Variants in CHRNA7 observed in about 807,000 individuals in gnomAD.
The protein encoded by CHRNA7 is neuronal acetylcholine receptor subunit alpha-7.
CHRNA7 carries 17 observed loss-of-function variants against 48.0 expected under a neutral mutation model. That is an observed-to-expected ratio of 0.35 (90% CI 0.24 to 0.53). The LOEUF (loss-of-function observed/expected upper bound fraction) is 0.53, where lower values mean the gene tolerates loss of function less well. CHRNA7 is among the 20% of genes least tolerant of loss of function. The pLI is 0.92. For missense variants in CHRNA7, 155 were observed against 577.7 expected (o/e 0.27, Z 7.50); for synonymous variants, 75 against 242.3 (o/e 0.31, Z 6.41).
chr15:32,063,481 T>G (rs1351493189), intron 2 of CHRNA7, among the ~76,000 whole-genome samples: 1 of 152,226 alleles, frequency 6.6e-6, no homozygotes, highest in Non-Finnish European at 1.5e-5. Flanking sequence ...CAGGGTCTTC[T>G]GTCTCTGTGG....
intron 4 of CHRNA7, among the ~76,000 whole-genome samples, chr15:32,114,036 A>ATGTGTG (rs1566848746): frequency 1.2e-5 from 1 of 80,270 alleles, no homozygotes; most frequent in Non-Finnish European, 2.3e-5. Context: ...ATATATATAT[A>ATGTGTG]TATATATGTA....
At chr15:32,092,176 G>C (rs2050394964) in intron 2 of CHRNA7, among the ~76,000 whole-genome samples, 2 of 152,134 alleles carry the variant, frequency 1.3e-5, no homozygotes, top group Admixed American at 6.5e-5. Flanking sequence ...CTTCATGCCA[G>C]TAACTTAATT....
chr15:32,048,527 A>AT (rs1367788475), intron 2 of CHRNA7, among the ~76,000 whole-genome samples: 3 of 152,020 alleles, frequency 2.0e-5, no homozygotes, highest in Non-Finnish European at 2.9e-5. Context: ...CCCCTTTATC[A>AT]TTTTTTATTG....
intron 3 of CHRNA7, among the ~76,000 whole-genome samples, chr15:32,108,017 T>C (rs10438339): frequency 0.41 from 61,897 of 151,974 alleles, 12,833 homozygotes; most frequent in South Asian, 0.5. Context: ...TTTCTTATTA[T>C]ACCATAATGT....
chr15:32,072,531 G>A lies in CHRNA7; in HGVS notation c.196-28772G>A, dbSNP rs554868511. Among the ~76,000 whole-genome samples the A allele has an allele frequency of 3.3e-5, 5 of 152,342 alleles. No homozygotes were observed. In the East Asian group the frequency reaches 9.6e-4, roughly 29 times the overall value. On this transcript the variant is annotated intron_variant, in intron 2 of 9. Transcript: ENST00000306901. Reference sequence around the variant, plus strand: ...ACTAAAAGGGAGGCAAGCACTAATAGCCAAGACAATGGGGAAAAGGCCTTG... The same window carrying A: ...ACTAAAAGGGAGGCAAGCACTAATAACCAAGACAATGGGGAAAAGGCCTTG...
chr15:32,152,897 G>C (rs1164492797), intron 4 of CHRNA7, among the ~76,000 whole-genome samples: 2 of 150,682 alleles, frequency 1.3e-5, no homozygotes, highest in Admixed American at 1.3e-4. Flanking sequence ...TGTAATTGCT[G>C]TTGGGGCTGT....
chr15:32,072,651 GCTGCC>G (rs2050076293), intron 2 of CHRNA7, among the ~76,000 whole-genome samples: 1 of 152,206 alleles, frequency 6.6e-6, no homozygotes, highest in African/African-American at 2.4e-5. Flanking sequence ...CTGAGGCACT[GCTGCC>G]CTGCACAGCC....
chr15:32,144,259 T>G (rs956941899), intron 4 of CHRNA7, among the ~76,000 whole-genome samples: 1 of 152,232 alleles, frequency 6.6e-6, no homozygotes, highest in African/African-American at 2.4e-5. Flanking sequence ...TCTTCTGGCT[T>G]GTAGGGTTTC....
At chr15:32,068,671 C>T (rs904832244) in intron 2 of CHRNA7, among the ~76,000 whole-genome samples, 7 of 150,344 alleles carry the variant, frequency 4.7e-5, no homozygotes, top group Admixed American at 1.3e-4. Context: ...TGCAGTGAGC[C>T]GAGATCGCAC....
chr15:32,124,979 T>A (rs1222704541), intron 4 of CHRNA7, among the ~76,000 whole-genome samples: 1 of 152,156 alleles, frequency 6.6e-6, no homozygotes, highest in East Asian at 1.9e-4. Context: ...GCTCCAGAAC[T>A]GTGGAAGATA....
At chr15:32,127,417 CCA>C (rs1487394103) in intron 4 of CHRNA7, among the ~76,000 whole-genome samples, 1 of 152,116 alleles carries the variant, frequency 6.6e-6, no homozygotes, top group Non-Finnish European at 1.5e-5. Flanking sequence ...GTGGCCGTTC[CCA>C]CCTAAGTGAT....
chr15:32,045,153 CT>C (rs534521046), intron 2 of CHRNA7, among the ~76,000 whole-genome samples: 12 of 152,054 alleles, frequency 7.9e-5, no homozygotes, highest in East Asian at 7.7e-4. Flanking sequence ...ATTAATAAGA[CT>C]TTTTTTTATA....
chr15:32,086,753 A>C (rs1384652511), intron 2 of CHRNA7, among the ~76,000 whole-genome samples: 1 of 152,130 alleles, frequency 6.6e-6, no homozygotes, highest in African/African-American at 2.4e-5. Context: ...GGCACTGGTC[A>C]GATATTTTGT....
intron 2 of CHRNA7, among the ~76,000 whole-genome samples, chr15:32,091,427 T>C (rs554474793): frequency 5.3e-5 from 8 of 152,322 alleles, no homozygotes; most frequent in Non-Finnish European, 7.4e-5. Context: ...GTTTTACTGG[T>C]CTAGAACAAC....
intron 2 of CHRNA7, among the ~76,000 whole-genome samples, chr15:32,050,659 C>T (rs2049652821): frequency 6.6e-6 from 1 of 152,224 alleles, no homozygotes; most frequent in African/African-American, 2.4e-5. Flanking sequence ...CAAAGTCATT[C>T]TCCATCCAGC....
intron 2 of CHRNA7, among the ~76,000 whole-genome samples, chr15:32,079,882 T>G (rs1253084873): frequency 6.6e-6 from 1 of 151,736 alleles, no homozygotes; most frequent in African/African-American, 2.4e-5. Flanking sequence ...GCAGCATCAC[T>G]CTACCCAACT....
chr15:32,054,983 A>G (rs1396533340), intron 2 of CHRNA7, among the ~76,000 whole-genome samples: 1 of 152,198 alleles, frequency 6.6e-6, no homozygotes, highest in Admixed American at 6.5e-5. Context: ...CAAAATGGTT[A>G]TACCAATTAG....
intron 2 of CHRNA7, among the ~76,000 whole-genome samples, chr15:32,065,904 C>T (rs545847989): frequency 5.3e-5 from 8 of 151,998 alleles, no homozygotes; most frequent in Admixed American, 3.3e-4. Context: ...CAGCACACAA[C>T]ACAGCCCACT....
intron 3 of CHRNA7, among the ~76,000 whole-genome samples, chr15:32,104,819 TTTAA>T (rs1480566931): frequency 6.6e-6 from 1 of 152,192 alleles, no homozygotes; most frequent in Non-Finnish European, 1.5e-5. Context: ...TGCTTCCCTT[TTTAA>T]TTAAAGTTGG....
Sources: gnomAD v4.1 joint callset for allele counts (sites outside exome capture counted in the v4.1 genomes callset) on GRCh38, gnomAD v4.1.1 for gene constraint, MANE v1.5 for transcripts, NCBI Gene and HGNC (gene_info 2026-07-23, HGNC 2026-07-21) for gene names.